CASP6: variants seen among roughly 807,000 people sequenced by gnomAD.
CASP6 encodes caspase-6.
A neutral mutation model predicts 31.8 loss-of-function variants in CASP6; 20 were observed. The ratio of observed to expected loss-of-function variants is 0.63; its 90% confidence interval spans 0.44 to 0.91. The LOEUF (loss-of-function observed/expected upper bound fraction) is 0.91, where lower values mean the gene tolerates loss of function less well. Among genes scored for constraint, CASP6 ranks in the 40% least tolerant of loss-of-function variants. The pLI, the probability that CASP6 is intolerant of heterozygous loss-of-function variation, is 0.00. For synonymous variants in CASP6, 130 were observed against 127.8 expected (o/e 1.02, Z -0.12); for missense variants, 328 against 361.1 (o/e 0.91, Z 0.74).
the CASP6 span, chr4:109,673,844 T>C: frequency 1.3e-6 from 1 of 755,106 alleles, no homozygotes; most frequent in Non-Finnish European, 2.5e-6. Flanking sequence ...GCAATCACTA[T>C]GTCAGCAGAC....
chr4:109,705,222 T>C (rs139386438), upstream of CASP6, among the ~76,000 whole-genome samples: 338 of 152,284 alleles, frequency 2.2e-3, 1 homozygote, highest in African/African-American at 7.9e-3. Context: ...CTAAATATGA[T>C]CTATAAATGG....
rs767563530 is a variant in CASP6 at position 109,689,412 on chromosome 4, G to T, written c.800C>A (p.Pro267Gln). ...AACCTGCTTCTTTCCAATTGCACTT[G>T]GGTCTTTGCAAAAGTCCACTCGGCG... ...SQRRVDFCKD[P>Q]SAIGKKQVPC... Residue 267 changes from proline (P) to glutamine (Q), a missense_variant, in exon 7 of 7, where the codon CCA becomes CAA. Physicochemically the swap from Pro to Gln is moderately conservative, Grantham distance 76 (BLOSUM62 -1). Transcript: ENST00000265164. 4.2e-5 allele frequency: 68 copies of T among 1,614,082 alleles called. No homozygotes were observed. The highest frequency in any genetic ancestry group is 5.6e-5 in the Non-Finnish European group (66 of 1,180,058).
chr4:109,707,658 C>T (rs769714256), upstream of CASP6, among the ~76,000 whole-genome samples: 23 of 152,116 alleles, frequency 1.5e-4, no homozygotes, highest in South Asian at 2.1e-4. Flanking sequence ...GTTGGGATTA[C>T]GGGCATGAGC....
chr4:109,665,489 T>C, the CASP6 span, among the ~76,000 whole-genome samples: 9 of 152,222 alleles, frequency 5.9e-5, no homozygotes, highest in East Asian at 1.9e-4. Context: ...AGGCAAACTC[T>C]ACCAAACTCT....
rs186175373 is a variant in CASP6, at chr4:109,690,006, G to A, written c.644-438C>T. On this transcript the variant is annotated intron_variant, in intron 6 of 6. Coordinates refer to ENST00000265164, the MANE Select transcript of CASP6 (RefSeq NM_001226.4). ...TCGAGACCAGCCTGGCCAACATGGT[G>A]AAACCCCATCTCTACTAAAACTACA... Among the ~76,000 whole-genome samples the A allele has an allele frequency of 5.7e-4, 86 of 151,474 alleles. 1 individual carries two copies. The East Asian group carries it at 0.016, about 29-fold the overall frequency.
chr4:109,689,885 A>G (rs998364742), intron 6 of CASP6, among the ~76,000 whole-genome samples: 1 of 152,158 alleles, frequency 6.6e-6, no homozygotes, highest in Non-Finnish European at 1.5e-5. Context: ...GCAAAGAACC[A>G]TTATCAAAAT....
chr4:109,693,172 G>C (rs1730129129), intron 5 of CASP6, among the ~76,000 whole-genome samples: 1 of 152,116 alleles, frequency 6.6e-6, no homozygotes. Context: ...CACCATAATT[G>C]TAAGCTTCCT....
the CASP6 span, among the ~76,000 whole-genome samples, chr4:109,665,049 G>A: frequency 0.05 from 7,672 of 152,106 alleles, 677 homozygotes; most frequent in African/African-American, 0.18. Flanking sequence ...GCCCCTTATT[G>A]TCAATATCCC....
chr4:109,670,890 G>A, the CASP6 span, among the ~76,000 whole-genome samples: 11 of 152,110 alleles, frequency 7.2e-5, no homozygotes, highest in African/African-American at 2.7e-4. Context: ...GCCCACCTAT[G>A]GGACTCCCTG....
chr4:109,706,170 T>TACAC (rs58287938), upstream of CASP6, among the ~76,000 whole-genome samples: 1 of 89,080 alleles, frequency 1.1e-5, no homozygotes, highest in African/African-American at 6.6e-5. Flanking sequence ...TATATATATA[T>TACAC]ACACACACAC....
the CASP6 span, among the ~76,000 whole-genome samples, chr4:109,670,697 C>T: frequency 2.0e-5 from 3 of 150,600 alleles, no homozygotes; most frequent in South Asian, 4.2e-4. Context: ...GCCTGGGCAA[C>T]AGAGCGAGGA....
chr4:109,695,488 G>A (rs1730209611), intron 4 of CASP6, among the ~76,000 whole-genome samples: 1 of 152,142 alleles, frequency 6.6e-6, no homozygotes, highest in African/African-American at 2.4e-5. Context: ...CAGGCGCAGT[G>A]GCTCACGCCT....
At chr4:109,702,998 C>A (rs1730470767) in intron 1 of CASP6, 1 of 305,240 alleles carries the variant, frequency 3.3e-6, no homozygotes, top group Non-Finnish European at 6.0e-6. Flanking sequence ...TGTGGGGGAA[C>A]GCCAGGCCCG....
At chr4:109,690,665 G>A (rs1179386556) in intron 6 of CASP6, among the ~76,000 whole-genome samples, 185 bp downstream of exon 6, 2 of 152,080 alleles carry the variant, frequency 1.3e-5, no homozygotes, top group African/African-American at 4.8e-5. Context: ...TTATTTTTCT[G>A]TAAGGTACTT....
In CASP6 at chr4:109,689,369, C is replaced by T; in HGVS notation, c.843G>A (p.Met281Ile). Residue 281 changes from methionine to isoleucine, a missense_variant, in exon 7 of 7, where the codon ATG becomes ATA. Coordinates refer to ENST00000265164, the MANE Select transcript of CASP6 (RefSeq NM_001226.4). ...GAAAGAAATGCAGCTTTTTAGTTAG[C>T]ATTGAGGCAAAACAGGGAACCTGCT... ...GKKQVPCFAS[M>I]LTKKLHFFPK... The T allele has an allele frequency of 6.2e-7, 1 of 1,614,184 alleles. No individual in the cohort carries two copies. Among genetic ancestry groups the T allele is most frequent in the Non-Finnish European group, 8.5e-7 (1 of 1,180,024 alleles).
upstream of CASP6, among the ~76,000 whole-genome samples, chr4:109,704,860 T>C (rs760766026): frequency 1.3e-5 from 2 of 152,148 alleles, no homozygotes; most frequent in African/African-American, 2.4e-5. Flanking sequence ...TGTGCCACCA[T>C]GTCCAGGTTA....
intron 1 of CASP6, among the ~76,000 whole-genome samples, chr4:109,702,122 G>A (rs1357651150): frequency 2.0e-5 from 3 of 152,194 alleles, no homozygotes; most frequent in African/African-American, 4.8e-5. Flanking sequence ...GAAGGGAGCA[G>A]GTGAGTGAAG....
chr4:109,700,164 A>T (rs1205385896), intron 1 of CASP6, among the ~76,000 whole-genome samples: 1 of 152,180 alleles, frequency 6.6e-6, no homozygotes, highest in African/African-American at 2.4e-5. Context: ...AACACTGGAG[A>T]TGTATTCTTG....
At chr4:109,703,760 G>C (rs925913850), upstream of CASP6, among the ~76,000 whole-genome samples, 1 of 152,156 alleles carries the variant, frequency 6.6e-6, no homozygotes, top group Non-Finnish European at 1.5e-5. Flanking sequence ...GTGTGAGCTC[G>C]GACTCATTTA....
Sources: allele counts gnomAD v4.1 joint callset (sites outside exome capture counted in the v4.1 genomes callset), GRCh38; gene constraint gnomAD v4.1.1; transcripts MANE v1.5; gene names NCBI Gene and HGNC (gene_info 2026-07-23, HGNC 2026-07-21).